LINGO1: variants seen among roughly 807,000 people sequenced by gnomAD.
LINGO1 encodes leucine-rich repeat and immunoglobulin-like domain-containing nogo receptor-interacting protein 1.
In LINGO1, 11 loss-of-function variants were observed where a neutral mutation model predicts 37.3. The observed-to-expected ratio is 0.29, with a 90% CI of 0.19 to 0.49. The LOEUF is 0.49. Among genes scored for constraint, LINGO1 ranks in the 20% least tolerant of loss-of-function variants. The pLI, the probability that LINGO1 is intolerant of heterozygous loss-of-function variation, is 0.99. For missense variants in LINGO1, 585 were observed against 878.2 expected, an observed-to-expected ratio of 0.67 and a Z score of 4.22; for synonymous variants, 387 against 403.0, an observed-to-expected ratio of 0.96 and a Z score of 0.48.
intron 3 of LINGO1, among the ~76,000 whole-genome samples, chr15:77,676,077 C>T (rs531808969): frequency 3.3e-5 from 5 of 152,348 alleles, no homozygotes; most frequent in African/African-American, 1.2e-4. Context: ...AGACGAGGAA[C>T]CTTACAGCAC....
At chr15:77,737,884 T>G (rs2076219037) in intron 1 of LINGO1, among the ~76,000 whole-genome samples, 1 of 152,138 alleles carries the variant, frequency 6.6e-6, no homozygotes, top group South Asian at 2.1e-4. Flanking sequence ...CATCCCATCC[T>G]GTCTGCACAC....
intron 1 of LINGO1, among the ~76,000 whole-genome samples, chr15:77,630,403 C>T (rs1481326283): frequency 6.6e-6 from 1 of 152,192 alleles, no homozygotes; most frequent in Admixed American, 6.5e-5. Context: ...TCATGCAGAA[C>T]AACCACCCAC....
chr15:77,645,671 G>A (rs1012440803), intron 3 of LINGO1, among the ~76,000 whole-genome samples: 5 of 152,218 alleles, frequency 3.3e-5, no homozygotes, highest in Non-Finnish European at 7.3e-5. Flanking sequence ...GAGCCTGCCC[G>A]CACTCTGCAT....
At chr15:77,658,537 T>C (rs148046627) in intron 3 of LINGO1, among the ~76,000 whole-genome samples, 1 of 152,250 alleles carries the variant, frequency 6.6e-6, no homozygotes, top group African/African-American at 2.4e-5. Flanking sequence ...AGGCAGCCGA[T>C]CCGCAAGTAA....
chr15:77,732,885 G>A (rs867916674), intron 2 of LINGO1, among the ~76,000 whole-genome samples: 2 of 152,176 alleles, frequency 1.3e-5, no homozygotes, highest in African/African-American at 4.8e-5. Flanking sequence ...GCCATCCCAC[G>A]AGTCATAAAT....
chr15:77,660,938 T>C (rs1567499552), intron 3 of LINGO1, among the ~76,000 whole-genome samples: 1 of 152,162 alleles, frequency 6.6e-6, no homozygotes, highest in Non-Finnish European at 1.5e-5. Flanking sequence ...TGCTGGGCAC[T>C]GCAGGGAGAG....
At chr15:77,687,727 G>A (rs1010781607) in intron 2 of LINGO1, among the ~76,000 whole-genome samples, 3 of 152,230 alleles carry the variant, frequency 2.0e-5, no homozygotes, top group African/African-American at 7.2e-5. Context: ...TATTTGCCCA[G>A]GTGATCCAGT....
At chr15:77,695,460 C>T (rs1384163048) in intron 1 of LINGO1, among the ~76,000 whole-genome samples, 2 of 152,210 alleles carry the variant, frequency 1.3e-5, no homozygotes, top group African/African-American at 4.8e-5. Context: ...CGCAAGGCCA[C>T]CCTGGTGCCA....
chr15:77,799,035 C>G (rs943536854), intron 1 of LINGO1, among the ~76,000 whole-genome samples: 1 of 152,144 alleles, frequency 6.6e-6, no homozygotes, highest in Non-Finnish European at 1.5e-5. Flanking sequence ...GGCCCACGCC[C>G]ACTGTACAGA....
chr15:77,805,752 T>A (rs11631685), intron 1 of LINGO1, among the ~76,000 whole-genome samples: 1 of 152,018 alleles, frequency 6.6e-6, no homozygotes, highest in Non-Finnish European at 1.5e-5. Context: ...CGGGCCCCTG[T>A]AGGCTCCAAG....
intron 1 of LINGO1, among the ~76,000 whole-genome samples, chr15:77,619,343 C>T (rs1006000474): frequency 6.6e-6 from 1 of 152,210 alleles, no homozygotes; most frequent in East Asian, 1.9e-4. Context: ...CTATATCAGG[C>T]CCACTGAGCA....
At chr15:77,766,561 A>G (rs749055413) in intron 1 of LINGO1, among the ~76,000 whole-genome samples, 18 of 152,294 alleles carry the variant, frequency 1.2e-4, no homozygotes, top group Non-Finnish European at 2.5e-4. Context: ...AGGTAGAGGT[A>G]ATTGGATCAT....
In LINGO1 at chr15:77,813,068, G is replaced by A. The variant is rs181495850; in HGVS notation, c.-458+7190C>T. ...CACAAGATGGATAAGCCCAGTCCCT[G>A]CCACCAAGGTGCTCCCAAGTCAAAA... On this transcript the variant is annotated intron_variant, in intron 1 of 5. Transcript: ENST00000562933. 3.4e-4 allele frequency among the ~76,000 whole-genome samples: 52 copies of A among 152,298 alleles called. 1 individual carries two copies. Among genetic ancestry groups the A allele is most frequent in the African/African-American group, 1.2e-3 (49 of 41,562 alleles).
intron 2 of LINGO1, among the ~76,000 whole-genome samples, chr15:77,728,289 C>T (rs1216486123): frequency 6.6e-6 from 1 of 152,278 alleles, no homozygotes; most frequent in Non-Finnish European, 1.5e-5. Flanking sequence ...TCATCATGGA[C>T]ATGCCACATG....
chr15:77,762,969 G>A (rs1213514229), intron 1 of LINGO1, among the ~76,000 whole-genome samples: 3 of 152,224 alleles, frequency 2.0e-5, no homozygotes, highest in African/African-American at 7.2e-5. Context: ...CACGTAGTAG[G>A]TGCTTACCAG....
chr15:77,631,770 T>A (rs899117863), intron 1 of LINGO1, among the ~76,000 whole-genome samples: 14 of 152,086 alleles, frequency 9.2e-5, no homozygotes, highest in African/African-American at 3.4e-4. Flanking sequence ...CTCTCCCTAC[T>A]CCCCATCTCC....
intron 1 of LINGO1, among the ~76,000 whole-genome samples, chr15:77,811,357 T>C (rs1596252709): frequency 6.6e-6 from 1 of 152,342 alleles, no homozygotes; most frequent in East Asian, 1.9e-4. Flanking sequence ...CACTTCCTGT[T>C]TCCAGGTGGA....
At chr15:77,653,556 A>G (rs2074806818) in intron 3 of LINGO1, among the ~76,000 whole-genome samples, 1 of 152,186 alleles carries the variant, frequency 6.6e-6, no homozygotes, top group Non-Finnish European at 1.5e-5. Flanking sequence ...AAGTCAAGGT[A>G]TTACTGGTAT....
At chr15:77,694,988 C>T (rs1050204732) in intron 1 of LINGO1, among the ~76,000 whole-genome samples, 29 of 149,824 alleles carry the variant, frequency 1.9e-4, no homozygotes, top group Admixed American at 1.5e-3. Context: ...ACTGAACACT[C>T]GGGATAATCT....
Sources: allele counts gnomAD v4.1 joint callset (sites outside exome capture counted in the v4.1 genomes callset), GRCh38; gene constraint gnomAD v4.1.1; transcripts MANE v1.5; gene names NCBI Gene and HGNC (gene_info 2026-07-23, HGNC 2026-07-21).